The following STXBP5L variants were observed in gnomAD, a reference collection of about 807,000 sequenced individuals.
STXBP5L encodes the protein syntaxin-binding protein 5-like.
Under a neutral mutation model 144.5 loss-of-function variants are expected in STXBP5L, and 65 were observed. The ratio of observed to expected loss-of-function variants is 0.45; its 90% confidence interval spans 0.37 to 0.55. The LOEUF is 0.55. STXBP5L is among the 20% of genes least tolerant of loss of function. The probability of loss-of-function intolerance (pLI) is 0.00; values close to 1 mark genes in which losing one functional copy is unlikely to be tolerated. For synonymous variants in STXBP5L, 505 were observed against 469.6 expected, an observed-to-expected ratio of 1.08 and a Z score of -0.97; for missense variants, 1,298 against 1,405.5, an observed-to-expected ratio of 0.92 and a Z score of 1.22.
In STXBP5L at chr3:121,209,708, T is replaced by C. The variant is rs576332807; in HGVS notation, c.956+3707T>C. Among the ~76,000 whole-genome samples, 9 of 152,264 alleles carry C rather than the reference T, an allele frequency of 5.9e-5. No homozygotes were observed. In the South Asian group the frequency reaches 1.2e-3, roughly 21 times the overall value. ...TTTGGTTTTTTGTCCTTGTGATAGT[T>C]TGCTGAGAATGATGGTTTCCAGCTT... On this transcript the variant is annotated intron_variant, in intron 10 of 26. Coordinates refer to ENST00000471454, the MANE Select transcript of STXBP5L (RefSeq NM_001308330.2).
chr3:121,422,300 A>G lies in STXBP5L; in HGVS notation c.*3203A>G, dbSNP rs536172079. The G allele has an allele frequency of 6.6e-6, 1 of 152,300 alleles. No homozygotes were observed. Among genetic ancestry groups the G allele is most frequent in the African/African-American group, 2.4e-5 (1 of 41,552 alleles). The allele number at this position is 152,300 out of a possible 1,614,324, so 9.4% of individuals were successfully genotyped here. On this transcript the variant is annotated 3_prime_UTR_variant, in exon 27 of 27. Transcript: ENST00000471454. ...GACTCTGAGCCTTAGTTACCATCAA[A>G]ATTACATTCTATCTGCTAAAGCGAC...
chr3:121,010,881 G>A (rs1000683061), intron 3 of STXBP5L, among the ~76,000 whole-genome samples: 1 of 151,574 alleles, frequency 6.6e-6, no homozygotes, highest in African/African-American at 2.4e-5. Context: ...TGGAAGAGAA[G>A]GGGTTTGTCT....
At chr3:120,936,959 T>G (rs1045818313) in intron 2 of STXBP5L, among the ~76,000 whole-genome samples, 4 of 152,168 alleles carry the variant, frequency 2.6e-5, no homozygotes, top group African/African-American at 9.7e-5. Flanking sequence ...AGTCTTTTAG[T>G]GAGCCTGTGT....
At chr3:121,050,655 G>A (rs917227521) in intron 5 of STXBP5L, among the ~76,000 whole-genome samples, 2 of 152,056 alleles carry the variant, frequency 1.3e-5, no homozygotes, top group Non-Finnish European at 2.9e-5. Context: ...GACCATCAAG[G>A]CTAGGAAGAA....
chr3:120,910,303 G>C (rs1476224804), intron 2 of STXBP5L, among the ~76,000 whole-genome samples: 1 of 152,190 alleles, frequency 6.6e-6, no homozygotes, highest in Admixed American at 6.5e-5. Context: ...ACTTGCAGTT[G>C]TAGGAACTCA....
chr3:121,005,123 A>G (rs1944167830), intron 3 of STXBP5L, among the ~76,000 whole-genome samples: 1 of 152,172 alleles, frequency 6.6e-6, no homozygotes, highest in Non-Finnish European at 1.5e-5. Flanking sequence ...TTCAGAAGGA[A>G]TGTTACCAGC....
chr3:120,955,334 T>A (rs1417057817), intron 3 of STXBP5L, among the ~76,000 whole-genome samples: 1 of 152,032 alleles, frequency 6.6e-6, no homozygotes, highest in Non-Finnish European at 1.5e-5. Context: ...TCACAAAGAA[T>A]CAACTTTTGG....
chr3:121,175,511 A>T (rs575854946), intron 9 of STXBP5L, among the ~76,000 whole-genome samples: 1 of 152,272 alleles, frequency 6.6e-6, no homozygotes, highest in East Asian at 1.9e-4. Context: ...ATGCTGATAC[A>T]TTTTAAATTT....
chr3:121,080,167 T>G (rs1302376661), intron 5 of STXBP5L, among the ~76,000 whole-genome samples: 2 of 152,224 alleles, frequency 1.3e-5, no homozygotes, highest in Non-Finnish European at 2.9e-5. Flanking sequence ...TTGGTTTCCA[T>G]TGGCATGGAA....
intron 19 of STXBP5L, among the ~76,000 whole-genome samples, chr3:121,280,233 G>C (rs564631537): frequency 4.2e-4 from 63 of 151,786 alleles, no homozygotes; most frequent in Non-Finnish European, 6.6e-4. Context: ...CAGAAAATAA[G>C]AAGCTATTAA....
intron 5 of STXBP5L, among the ~76,000 whole-genome samples, chr3:121,071,273 T>A (rs1042597316): frequency 6.6e-6 from 1 of 152,262 alleles, no homozygotes; most frequent in African/African-American, 2.4e-5. Flanking sequence ...AACATATAAC[T>A]ATGTTTGTAC....
intron 20 of STXBP5L, among the ~76,000 whole-genome samples, chr3:121,328,637 C>A (rs1460788987): frequency 6.6e-6 from 1 of 152,064 alleles, no homozygotes; most frequent in East Asian, 1.9e-4. Context: ...GTAATCCCAG[C>A]TACTCAGGAG....
intron 2 of STXBP5L, among the ~76,000 whole-genome samples, chr3:120,940,799 C>A (rs981757997): frequency 1.3e-5 from 2 of 151,408 alleles, no homozygotes; most frequent in African/African-American, 2.4e-5. Context: ...TGCTGGTATT[C>A]GTATTACTCT....
chr3:121,337,441 A>T (rs2044547842), intron 20 of STXBP5L, among the ~76,000 whole-genome samples: 2 of 142,284 alleles, frequency 1.4e-5, no homozygotes, highest in South Asian at 4.4e-4. Flanking sequence ...AACAACAGTA[A>T]AAAAAAAAAA....
At chr3:121,194,086 T>A (rs1478700441) in intron 9 of STXBP5L, among the ~76,000 whole-genome samples, 1 of 152,158 alleles carries the variant, frequency 6.6e-6, no homozygotes, top group Non-Finnish European at 1.5e-5. Flanking sequence ...ATTCAATGAT[T>A]TTGAGTATAT....
intron 3 of STXBP5L, among the ~76,000 whole-genome samples, chr3:121,012,387 A>G (rs971296807): frequency 1.3e-5 from 2 of 151,816 alleles, no homozygotes; most frequent in African/African-American, 2.4e-5. Flanking sequence ...AGGAGCTGCT[A>G]TTATTGAATT....
At chr3:120,959,404 T>C (rs1416236292) in intron 3 of STXBP5L, among the ~76,000 whole-genome samples, 1 of 152,176 alleles carries the variant, frequency 6.6e-6, no homozygotes, top group African/African-American at 2.4e-5. Flanking sequence ...AAAACTACTT[T>C]AAAGTTCATA....
intron 22 of STXBP5L, among the ~76,000 whole-genome samples, chr3:121,401,222 C>T (rs1490782877): frequency 6.6e-6 from 1 of 152,126 alleles, no homozygotes; most frequent in Non-Finnish European, 1.5e-5. Context: ...GTGTGTCTCC[C>T]TTCAAATCTC....
intron 25 of STXBP5L, among the ~76,000 whole-genome samples, chr3:121,416,951 G>A (rs942762919): frequency 4.6e-5 from 7 of 152,024 alleles, no homozygotes; most frequent in Non-Finnish European, 8.8e-5. Context: ...AAAACATCTA[G>A]GTTCCTTCAT....
Sources: gnomAD v4.1 joint callset for allele counts (sites outside exome capture counted in the v4.1 genomes callset) on GRCh38, gnomAD v4.1.1 for gene constraint, MANE v1.5 for transcripts, NCBI Gene and HGNC (gene_info 2026-07-23, HGNC 2026-07-21) for gene names.